GLDC: variants seen among roughly 807,000 people sequenced by gnomAD.
GLDC encodes glycine decarboxylase.
A neutral mutation model predicts 121.3 loss-of-function variants in GLDC; 104 were observed. That is an observed-to-expected ratio of 0.86 (90% confidence interval 0.73 to 1.01). The LOEUF is 1.01. Ranked by LOEUF, GLDC falls within the 50% of genes least tolerant of loss-of-function variation. The pLI is 0.00. For missense variants in GLDC, 1,429 were observed against 1,306.6 expected (o/e 1.09, Z -1.44); for synonymous variants, 546 against 480.6 (o/e 1.14, Z -1.78).
chr9:6,555,837 A>G (rs1817615040), intron 18 of GLDC, among the ~76,000 whole-genome samples: 1 of 152,110 alleles, frequency 6.6e-6, no homozygotes, highest in African/African-American at 2.4e-5. Context: ...AACACCAATA[A>G]GAGTCTCAAA....
chr9:6,584,171 T>G (rs765417533), intron 15 of GLDC, among the ~76,000 whole-genome samples: 3 of 152,360 alleles, frequency 2.0e-5, no homozygotes, highest in Admixed American at 6.5e-5. Flanking sequence ...TTCAAAACTT[T>G]TTGTGACTAC....
intron 4 of GLDC, among the ~76,000 whole-genome samples, chr9:6,608,802 A>C (rs1818791442): frequency 6.6e-6 from 1 of 151,976 alleles, no homozygotes; most frequent in Non-Finnish European, 1.5e-5. Flanking sequence ...GATAAAAAGC[A>C]ATTTTTTAAA....
At chr9:6,607,005 G>A (rs899238431) in intron 4 of GLDC, among the ~76,000 whole-genome samples, 1 of 152,108 alleles carries the variant, frequency 6.6e-6, no homozygotes, top group South Asian at 2.1e-4. Flanking sequence ...CGAGGTTGCA[G>A]TGAGCCAAGA....
intron 21 of GLDC, among the ~76,000 whole-genome samples, chr9:6,549,490 G>A (rs902841369): frequency 6.6e-6 from 1 of 152,162 alleles, no homozygotes; most frequent in East Asian, 1.9e-4. Context: ...GCTGCCTCAG[G>A]TGTGGAGTGC....
chr9:6,634,559 C>CAAAAAACA (rs1819461033), intron 2 of GLDC, among the ~76,000 whole-genome samples: 1 of 146,276 alleles, frequency 6.8e-6, no homozygotes, highest in African/African-American at 2.6e-5. Flanking sequence ...AAACAAAAAA[C>CAAAAAACA]AAAAAAAAAA....
Position 6,602,095 on chromosome 9 carries a change from G to A in GLDC, c.1155+14C>T. The A allele has an allele frequency of 6.8e-7, 1 of 1,470,286 alleles. No homozygotes were observed. The highest frequency in any genetic ancestry group is 1.1e-5 in the South Asian group (1 of 88,254). 91.1% of individuals were successfully genotyped at this position (1,470,286 alleles called of 1,614,324 possible). On this transcript the variant is annotated intron_variant, in intron 8 of 24. Coordinates refer to ENST00000321612, the MANE Select transcript of GLDC (RefSeq NM_000170.3). ...CGTAAGGCATTCAGTAGTCAGGTCAGACGTGTGATTTACCTGAGCTGTACA... is the reference window on the plus strand; with the variant it reads ...CGTAAGGCATTCAGTAGTCAGGTCAAACGTGTGATTTACCTGAGCTGTACA...
intron 2 of GLDC, chr9:6,639,463 A>G: frequency 1.1e-6 from 1 of 903,168 alleles, no homozygotes; most frequent in Non-Finnish European, 1.8e-6. Context: ...AACAAGCACC[A>G]GATTAAACAG....
intron 21 of GLDC, among the ~76,000 whole-genome samples, chr9:6,546,877 G>A (rs1000566816): frequency 2.2e-4 from 33 of 151,960 alleles, no homozygotes; most frequent in African/African-American, 7.7e-4. Context: ...CAGGAGAATC[G>A]CTTGAACCTG....
chr9:6,613,352 C>T (rs1370747678), intron 3 of GLDC, among the ~76,000 whole-genome samples: 3 of 152,080 alleles, frequency 2.0e-5, no homozygotes, highest in Non-Finnish European at 4.4e-5. Context: ...ACTGGCCAGG[C>T]GTGGAGGCTC....
chr9:6,620,443 T>A (rs1408221485), intron 2 of GLDC, 124 bp from the exon 3 acceptor site: 2 of 843,902 alleles, frequency 2.4e-6, no homozygotes, highest in Non-Finnish European at 4.0e-6. Context: ...AATGTAAGAG[T>A]CATCCATCCA....
chr9:6,585,710 CTA>C (rs1259023719), intron 15 of GLDC, among the ~76,000 whole-genome samples: 5 of 152,186 alleles, frequency 3.3e-5, no homozygotes, highest in Non-Finnish European at 7.4e-5. Flanking sequence ...TGGTAGAGAA[CTA>C]TACTTTGAGC....
chr9:6,618,868 G>C (rs2129943736), intron 3 of GLDC, among the ~76,000 whole-genome samples: 1 of 152,070 alleles, frequency 6.6e-6, no homozygotes, highest in South Asian at 2.1e-4. Flanking sequence ...ACTTGGCTGG[G>C]CGCGGTGGCT....
At chr9:6,592,010 C>T (rs1422271164) in intron 11 of GLDC, 133 bp downstream of exon 11, 1 of 708,862 alleles carries the variant, frequency 1.4e-6, no homozygotes, top group East Asian at 2.6e-5. Flanking sequence ...AAGGGATAGT[C>T]AGTGGAATAA....
Position 6,533,037 on chromosome 9 carries a change from G to T in GLDC, c.3043C>A (p.Gln1015Lys), listed in dbSNP as rs1323802653. ...MEVYESPFSE[Q>K]KRASS ...GAGGACTAAGAAGACGCCCTCTTTT[G>T]TTCAGAAAATGGAGACTCATAAACT... The change falls in exon 25 of 25, where the codon CAA becomes AAA. Residue 1015 changes from glutamine to lysine, a missense_variant. Gln to Lys is a moderately conservative substitution (Grantham distance 53). Coordinates refer to ENST00000321612, the MANE Select transcript of GLDC (RefSeq NM_000170.3). The T allele has an allele frequency of 1.2e-6, 2 of 1,611,620 alleles. No homozygotes were observed. Among genetic ancestry groups the T allele is most frequent in the Non-Finnish European group, 1.7e-6 (2 of 1,177,952 alleles).
chr9:6,550,796 T>TA lies in GLDC; in HGVS notation c.2569+6dup. ...CAAAGTAATGATAGATTAAAGTTGA[T>TA]ACTTGCCTCTTGCACCCCTGAAAAG... On this transcript the variant is annotated splice_region_variant and intron_variant, in intron 21 of 24. Transcript: ENST00000321612. 1 of 1,574,394 alleles carries TA rather than the reference T, an allele frequency of 6.4e-7. No homozygotes were observed. Among genetic ancestry groups the TA allele is most frequent in the Admixed American group, 1.7e-5 (1 of 59,984 alleles).
intron 21 of GLDC, among the ~76,000 whole-genome samples, chr9:6,544,206 G>C (rs1201816767): frequency 6.6e-6 from 1 of 152,146 alleles, no homozygotes; most frequent in African/African-American, 2.4e-5. Context: ...CCTCCCGGCT[G>C]TTTCCCTGTA....
chr9:6,629,133 C>G (rs934696229), intron 2 of GLDC, among the ~76,000 whole-genome samples: 1 of 151,816 alleles, frequency 6.6e-6, no homozygotes, highest in East Asian at 1.9e-4. Flanking sequence ...TTTGCCACTG[C>G]GCCTAAAATA....
intron 4 of GLDC, 61 bp from the exon 5 acceptor site, chr9:6,606,730 G>T: frequency 1.0e-6 from 1 of 970,572 alleles, no homozygotes; most frequent in South Asian, 1.3e-5. Context: ...TATCTTCTAA[G>T]AACGCAAAGC....
intron 24 of GLDC, chr9:6,534,056 C>CAAA (rs1243061311): frequency 6.6e-6 from 1 of 151,496 alleles, no homozygotes; most frequent in Non-Finnish European, 1.5e-5. Flanking sequence ...ACTAAAAATA[C>CAAA]AAAAAATTAC....
Sources: allele counts gnomAD v4.1 joint callset (sites outside exome capture counted in the v4.1 genomes callset), GRCh38; gene constraint gnomAD v4.1.1; transcripts MANE v1.5; gene names NCBI Gene and HGNC (gene_info 2026-07-23, HGNC 2026-07-21).